STPG2: variants seen among roughly 807,000 people sequenced by gnomAD.
The protein encoded by STPG2 is sperm-tail PG-rich repeat-containing protein 2.
A neutral mutation model predicts 54.2 loss-of-function variants in STPG2; 56 were observed. The observed-to-expected ratio is 1.03, with a 90% CI of 0.83 to 1.29. STPG2 has a LOEUF of 1.29. Ranked by LOEUF, STPG2 falls within the 50% of genes most tolerant of loss-of-function variation. The pLI, the probability that STPG2 is intolerant of heterozygous loss-of-function variation, is 0.00. For missense variants in STPG2, 596 were observed against 544.9 expected, an observed-to-expected ratio of 1.09 and a Z score of -0.93; for synonymous variants, 200 against 181.8, an observed-to-expected ratio of 1.10 and a Z score of -0.81.
chr4:97,933,650 G>T (rs1252958410), intron 8 of STPG2, among the ~76,000 whole-genome samples: 1 of 152,042 alleles, frequency 6.6e-6, no homozygotes, highest in East Asian at 1.9e-4. Context: ...TTTTTGTCAG[G>T]TTTGTCAAAG....
intron 5 of STPG2, among the ~76,000 whole-genome samples, chr4:98,022,521 T>A (rs1184337136): frequency 1.3e-5 from 2 of 151,506 alleles, no homozygotes; most frequent in African/African-American, 4.8e-5. Context: ...TCGAGGAGTA[T>A]CTTTGTGGCG....
intron 2 of STPG2, 82 bp from the exon 3 acceptor site, chr4:98,128,674 G>A (rs1200288064): frequency 1.8e-6 from 2 of 1,100,574 alleles, no homozygotes; most frequent in Non-Finnish European, 2.5e-6. Flanking sequence ...GTTACTAAAA[G>A]GCAACTATTA....
chr4:98,125,627 G>A (rs534877442), intron 3 of STPG2, among the ~76,000 whole-genome samples: 52 of 152,292 alleles, frequency 3.4e-4, no homozygotes, highest in Admixed American at 2.2e-3. Context: ...CTATTGGAAG[G>A]TCTCACCCAG....
At chr4:97,634,185 C>T (rs1162451613) in intron 10 of STPG2, among the ~76,000 whole-genome samples, 1 of 152,198 alleles carries the variant, frequency 6.6e-6, no homozygotes, top group African/African-American at 2.4e-5. Context: ...TCCCTGACCC[C>T]TGACCCCCGA....
intron 7 of STPG2, among the ~76,000 whole-genome samples, chr4:97,964,330 C>G (rs529515727): frequency 6.6e-6 from 1 of 152,056 alleles, no homozygotes; most frequent in African/African-American, 2.4e-5. Context: ...AGTAAGCACA[C>G]CCTTTGCTGA....
intron 10 of STPG2, among the ~76,000 whole-genome samples, chr4:97,654,030 C>T (rs1722149159): frequency 1.3e-5 from 2 of 152,162 alleles, no homozygotes; most frequent in African/African-American, 4.8e-5. Flanking sequence ...TGCTGCAAAG[C>T]AGCCCCTATG....
chr4:98,105,412 G>A (rs1739161641), intron 5 of STPG2, among the ~76,000 whole-genome samples: 1 of 152,118 alleles, frequency 6.6e-6, no homozygotes, highest in South Asian at 2.1e-4. Context: ...CCTCAGAGCG[G>A]CTGAGGGTTG....
At chr4:97,582,574 T>C (rs1203147233) in intron 10 of STPG2, among the ~76,000 whole-genome samples, 1 of 152,082 alleles carries the variant, frequency 6.6e-6, no homozygotes, top group East Asian at 1.9e-4. Flanking sequence ...TCTATTTCTC[T>C]GACAAATATG....
rs574044236 is a variant in STPG2 at position 97,880,957 on chromosome 4, A to G, written c.1045-40025T>C. 9.2e-5 allele frequency among the ~76,000 whole-genome samples: 14 copies of G among 152,238 alleles called. No homozygotes were observed. The East Asian group carries it at 2.3e-3, about 25-fold the overall frequency. ...TGCTATTCTCAAACTGTTCTCCTAT[A>G]AAAATTACTCTTAATGAGGAAAGGA... is the stretch of plus-strand genomic sequence containing the variant. On this transcript the variant is annotated intron_variant, in intron 8 of 10. Transcript: ENST00000295268.
At chr4:97,934,091 C>A (rs1183623456) in intron 8 of STPG2, among the ~76,000 whole-genome samples, 2 of 152,068 alleles carry the variant, frequency 1.3e-5, no homozygotes, top group Non-Finnish European at 2.9e-5. Context: ...TCCCTGTTAG[C>A]TGTATTCCCA....
At chr4:97,499,286 T>C (rs1457795837) in intron 4 of STPG2, among the ~76,000 whole-genome samples, 1 of 151,878 alleles carries the variant, frequency 6.6e-6, no homozygotes, top group African/African-American at 2.4e-5. Flanking sequence ...AAAGCCCACA[T>C]CTCATAGCAT....
intron 9 of STPG2, among the ~76,000 whole-genome samples, chr4:97,787,226 C>A (rs1726854462): frequency 6.6e-6 from 1 of 151,996 alleles, no homozygotes; most frequent in South Asian, 2.1e-4. Flanking sequence ...GGGTTAGACC[C>A]TCACATAAAA....
intron 6 of STPG2, 67 bp downstream of exon 6, chr4:97,981,092 A>G: frequency 2.0e-6 from 3 of 1,523,640 alleles, no homozygotes; most frequent in East Asian, 2.3e-5. Context: ...TGGTGTATCC[A>G]TCTTGTTAAG....
chr4:97,712,937 T>C (rs1206587607), intron 9 of STPG2, 123 bp from the exon 10 acceptor site: 1 of 563,066 alleles, frequency 1.8e-6, no homozygotes, highest in East Asian at 3.2e-5. Context: ...CTTGAACCCA[T>C]TGTTTTTGAA....
intron 6 of STPG2, among the ~76,000 whole-genome samples, chr4:97,974,430 G>C (rs1734436392): frequency 1.3e-5 from 2 of 152,202 alleles, no homozygotes; most frequent in Non-Finnish European, 2.9e-5. Flanking sequence ...GGGAAGGCAT[G>C]ATTTGTTTAG....
At chr4:97,854,563 TA>T (rs1311857119) in intron 8 of STPG2, among the ~76,000 whole-genome samples, 1 of 150,978 alleles carries the variant, frequency 6.6e-6, no homozygotes, top group African/African-American at 2.4e-5. Context: ...ATTCATTCAA[TA>T]AAAAGTATTT....
intron 4 of STPG2, among the ~76,000 whole-genome samples, chr4:97,546,550 T>G (rs2148865045): frequency 6.6e-6 from 1 of 152,234 alleles, no homozygotes; most frequent in African/African-American, 2.4e-5. Context: ...AGATAAATTT[T>G]TCTTTGTTAC....
intron 8 of STPG2, among the ~76,000 whole-genome samples, chr4:97,844,614 C>T (rs1728894473): frequency 6.6e-6 from 1 of 151,982 alleles, no homozygotes; most frequent in Non-Finnish European, 1.5e-5. Flanking sequence ...TGTTCTCTTT[C>T]ACTAGTTTGA....
chr4:97,593,622 C>T (rs1226439067), intron 10 of STPG2, among the ~76,000 whole-genome samples: 2 of 152,126 alleles, frequency 1.3e-5, no homozygotes, highest in Non-Finnish European at 2.9e-5. Flanking sequence ...ACACTGCAGC[C>T]CCAGACCCAC....
Sources: allele counts gnomAD v4.1 joint callset (sites outside exome capture counted in the v4.1 genomes callset), GRCh38; gene constraint gnomAD v4.1.1; transcripts MANE v1.5; gene names NCBI Gene and HGNC (gene_info 2026-07-23, HGNC 2026-07-21).